The following CDKAL1 variants were observed in gnomAD, a reference collection of about 807,000 sequenced individuals.
CDKAL1 encodes the protein threonylcarbamoyladenosine tRNA methylthiotransferase.
In CDKAL1, 32 loss-of-function variants were observed where a neutral mutation model predicts 68.2. The ratio of observed to expected loss-of-function variants is 0.47; its 90% CI spans 0.35 to 0.63. CDKAL1 has a LOEUF of 0.63. Ranked by LOEUF, CDKAL1 falls within the 30% of genes least tolerant of loss-of-function variation. The pLI is 0.00. For missense variants in CDKAL1, 606 were observed against 696.7 expected, an observed-to-expected ratio of 0.87 and a Z score of 1.47; for synonymous variants, 234 against 244.3, an observed-to-expected ratio of 0.96 and a Z score of 0.39.
At chr6:20,811,077 C>A (rs907534935) in intron 8 of CDKAL1, among the ~76,000 whole-genome samples, 1 of 152,118 alleles carries the variant, frequency 6.6e-6, no homozygotes. Flanking sequence ...TCTCAGGAAA[C>A]CTAGCAGTTA....
intron 7 of CDKAL1, among the ~76,000 whole-genome samples, chr6:20,778,651 C>T (rs138980499): frequency 3.7e-4 from 57 of 152,242 alleles, no homozygotes; most frequent in African/African-American, 1.3e-3. Flanking sequence ...GCCTAAGAAA[C>T]AGGAGAGCCA....
rs182485025 is a variant in CDKAL1 at position 20,769,577 on chromosome 6, A to T, written c.517+10934A>T. 3.2e-3 allele frequency among the ~76,000 whole-genome samples: 484 copies of T among 152,166 alleles called. 8 individuals are homozygous for T. The highest frequency in any genetic ancestry group is 0.029 in the Admixed American group (443 of 15,262). The stretch of plus-strand genomic sequence containing the variant: ...GGCCTTGATCATCATTATCAATGCA[A>T]TTATTTGTGACGTACTTCCTAGCCC... On this transcript the variant is annotated intron_variant, in intron 7 of 15. Coordinates refer to ENST00000274695, the MANE Select transcript of CDKAL1 (RefSeq NM_017774.3).
chr6:21,229,974 T>C (rs560586537), intron 15 of CDKAL1, among the ~76,000 whole-genome samples: 32 of 152,086 alleles, frequency 2.1e-4, no homozygotes, highest in Non-Finnish European at 4.0e-4. Flanking sequence ...TTTCCCAACC[T>C]GTTCTCTATC....
chr6:21,150,093 T>C (rs1270878924), intron 13 of CDKAL1, among the ~76,000 whole-genome samples: 1 of 151,560 alleles, frequency 6.6e-6, no homozygotes, highest in Admixed American at 6.6e-5. Context: ...CTCCTGACCT[T>C]GTGATCCGCC....
chr6:20,946,050 G>A (rs146835902), intron 9 of CDKAL1, among the ~76,000 whole-genome samples: 58 of 152,246 alleles, frequency 3.8e-4, no homozygotes, highest in African/African-American at 1.3e-3. Flanking sequence ...TGAAGTTATT[G>A]AGAGCTTTCA....
intron 9 of CDKAL1, among the ~76,000 whole-genome samples, chr6:20,879,428 A>T (rs1195107180): frequency 6.6e-6 from 1 of 152,232 alleles, no homozygotes; most frequent in East Asian, 1.9e-4. Context: ...CCCGCCTGTT[A>T]TGTAATAGTC....
chr6:20,591,393 A>G (rs1765586168), intron 4 of CDKAL1, among the ~76,000 whole-genome samples: 1 of 151,918 alleles, frequency 6.6e-6, no homozygotes, highest in Admixed American at 6.6e-5. Context: ...TTTTGTTGTC[A>G]TTGCTTTTGG....
chr6:20,587,753 C>T (rs1765433469), intron 4 of CDKAL1, among the ~76,000 whole-genome samples: 1 of 147,974 alleles, frequency 6.8e-6, no homozygotes, highest in Non-Finnish European at 1.5e-5. Flanking sequence ...AACAAACAAA[C>T]CGCCCCCCTC....
At chr6:20,731,392 A>G (rs879884059) in intron 5 of CDKAL1, among the ~76,000 whole-genome samples, 54 of 152,254 alleles carry the variant, frequency 3.5e-4, no homozygotes, top group African/African-American at 1.2e-3. Context: ...TTAAACCTGG[A>G]CATATTTCTG....
chr6:20,728,827 T>G (rs1411307091), intron 5 of CDKAL1, among the ~76,000 whole-genome samples: 2 of 152,204 alleles, frequency 1.3e-5, no homozygotes, highest in African/African-American at 4.8e-5. Flanking sequence ...GTGGAAACAT[T>G]TTTATTAGAA....
Position 20,681,862 on chromosome 6 carries a change from G to A in CDKAL1, c.371+32485G>A, listed in dbSNP as rs78404404. Reference sequence around the variant, plus strand: ...GCTCTTACAAAATACCATAGAGCAGGTGGGTTATAAACGACAGAAATTTAA... The same window carrying A: ...GCTCTTACAAAATACCATAGAGCAGATGGGTTATAAACGACAGAAATTTAA... On this transcript the variant is annotated intron_variant, in intron 5 of 15. Coordinates refer to ENST00000274695, the MANE Select transcript of CDKAL1 (RefSeq NM_017774.3). 3.4e-4 allele frequency among the ~76,000 whole-genome samples: 52 copies of A among 152,286 alleles called. No individual in the cohort carries two copies. In the East Asian group the frequency reaches 7.3e-3, roughly 22 times the overall value.
intron 7 of CDKAL1, among the ~76,000 whole-genome samples, chr6:20,771,519 GGCTTGA>G (rs1446565612): frequency 1.3e-5 from 2 of 152,156 alleles, no homozygotes; most frequent in African/African-American, 4.8e-5. Flanking sequence ...ACTTTATGGT[GGCTTGA>G]GTTGAATTAG....
rs372552243 is a variant in CDKAL1, at chr6:21,200,488, C to CA, written c.1384-621dup. 2.8e-3 allele frequency among the ~76,000 whole-genome samples: 432 copies of CA among 152,342 alleles called. 2 individuals are homozygous for CA. The highest frequency in any genetic ancestry group is 9.9e-3 in the African/African-American group (410 of 41,582). On this transcript the variant is annotated intron_variant, in intron 14 of 15. Transcript: ENST00000274695. Reference sequence around the variant, plus strand: ...TCCTTCTCCCTCAAAACACAGCACACACATGCACGGACACAAACACGCAGG... The same window carrying CA: ...TCCTTCTCCCTCAAAACACAGCACACAACATGCACGGACACAAACACGCAGG...
At chr6:21,163,241 C>A (rs1239084791) in intron 13 of CDKAL1, among the ~76,000 whole-genome samples, 1 of 152,126 alleles carries the variant, frequency 6.6e-6, no homozygotes, top group African/African-American at 2.4e-5. Flanking sequence ...GGTGGTTGTT[C>A]CTGAGTTCTC....
At chr6:20,856,595 T>TAA (rs1255171515) in intron 9 of CDKAL1, among the ~76,000 whole-genome samples, 1 of 152,220 alleles carries the variant, frequency 6.6e-6, no homozygotes, top group Admixed American at 6.5e-5. Context: ...GTTCCACACT[T>TAA]ACAGTTATAA....
At chr6:21,067,688 C>G (rs1357385256) in intron 12 of CDKAL1, among the ~76,000 whole-genome samples, 2 of 152,042 alleles carry the variant, frequency 1.3e-5, no homozygotes, top group African/African-American at 4.8e-5. Flanking sequence ...TTTTGTTCCA[C>G]TTGTGTGTAA....
intron 15 of CDKAL1, among the ~76,000 whole-genome samples, chr6:21,219,307 A>G (rs1180431913): frequency 6.6e-6 from 1 of 152,196 alleles, no homozygotes; most frequent in Non-Finnish European, 1.5e-5. Flanking sequence ...ATGACTTTTG[A>G]TATCTAATAC....
chr6:20,975,371 T>A (rs968679313), intron 10 of CDKAL1, among the ~76,000 whole-genome samples: 1 of 152,232 alleles, frequency 6.6e-6, no homozygotes. Context: ...TATTTAGTAG[T>A]CCCTTTTTTT....
chr6:20,829,202 A>C (rs1324420962), intron 8 of CDKAL1, among the ~76,000 whole-genome samples: 1 of 152,208 alleles, frequency 6.6e-6, no homozygotes, highest in East Asian at 1.9e-4. Context: ...TTTCACTAGA[A>C]ATTGAGGGAT....
Sources: allele counts gnomAD v4.1 joint callset (sites outside exome capture counted in the v4.1 genomes callset), GRCh38; gene constraint gnomAD v4.1.1; transcripts MANE v1.5; gene names NCBI Gene and HGNC (gene_info 2026-07-23, HGNC 2026-07-21).